VWA8: variants seen among roughly 807,000 people sequenced by gnomAD.
VWA8 encodes von Willebrand factor A domain-containing protein 8.
A neutral mutation model predicts 241.5 loss-of-function variants in VWA8; 221 were observed. The ratio of observed to expected loss-of-function variants is 0.91; its 90% CI spans 0.82 to 1.02. The LOEUF (loss-of-function observed/expected upper bound fraction) is 1.02. Among genes scored for constraint, VWA8 ranks in the 50% least tolerant of loss-of-function variants. VWA8 has a pLI of 0.00. For synonymous variants in VWA8, 852 were observed against 827.1 expected (o/e 1.03, Z -0.52); for missense variants, 2,322 against 2,328.7 (o/e 1.00, Z 0.06).
rs562138351 is a variant in VWA8 at position 41,958,912 on chromosome 13, T to A, written c.163+1941A>T. Among the ~76,000 whole-genome samples the A allele has an allele frequency of 2.6e-5, 4 of 152,364 alleles. No homozygotes were observed. The South Asian group carries it at 8.3e-4, about 32-fold the overall frequency. On this transcript the variant is annotated intron_variant, in intron 1 of 44. Transcript: ENST00000379310. ...AGGACATTTACAACTTATCTACCAATACGTATATAATACAGACTTTAAAAA... is the reference window on the plus strand; with the variant it reads ...AGGACATTTACAACTTATCTACCAAAACGTATATAATACAGACTTTAAAAA...
At chr13:41,601,080 T>A (rs942784970) in intron 40 of VWA8, among the ~76,000 whole-genome samples, 1 of 152,136 alleles carries the variant, frequency 6.6e-6, no homozygotes, top group Non-Finnish European at 1.5e-5. Context: ...TGCTGTGCCC[T>A]CTTCTGGGGC....
At chr13:41,636,888 T>C (rs1459962062) in intron 37 of VWA8, among the ~76,000 whole-genome samples, 2 of 151,894 alleles carry the variant, frequency 1.3e-5, no homozygotes, top group Non-Finnish European at 2.9e-5. Context: ...CCAGTTAGAA[T>C]GGCAATCATT....
chr13:41,945,671 G>C (rs561408552), intron 2 of VWA8, among the ~76,000 whole-genome samples: 114 of 152,118 alleles, frequency 7.5e-4, no homozygotes, highest in African/African-American at 2.6e-3. Context: ...AGCAGGCAGA[G>C]GAAAGAATCA....
intron 12 of VWA8, among the ~76,000 whole-genome samples, chr13:41,865,039 T>C (rs1049665208): frequency 1.3e-5 from 2 of 149,762 alleles, no homozygotes; most frequent in Admixed American, 1.3e-4. Flanking sequence ...ATGTTATATA[T>C]ATTTTGTCAC....
At chr13:41,926,227 T>A in intron 2 of VWA8, 1 of 691,092 alleles carries the variant, frequency 1.4e-6, no homozygotes, top group South Asian at 1.6e-5. Context: ...CACATGCATA[T>A]GTTACCTCAT....
chr13:41,637,980 C>G (rs2044770297), intron 37 of VWA8, among the ~76,000 whole-genome samples: 3 of 152,188 alleles, frequency 2.0e-5, no homozygotes. Flanking sequence ...AAACCTCACA[C>G]AAGATTCAAA....
At chr13:41,669,847 T>C (rs537519952) in intron 37 of VWA8, among the ~76,000 whole-genome samples, 1 of 152,326 alleles carries the variant, frequency 6.6e-6, no homozygotes, top group East Asian at 1.9e-4. Context: ...CAACATTCAG[T>C]CTGTTGCTGT....
chr13:41,771,886 C>T (rs1450800144), intron 20 of VWA8, among the ~76,000 whole-genome samples: 9 of 100,270 alleles, frequency 9.0e-5, no homozygotes, highest in South Asian at 3.6e-4. Flanking sequence ...CCAGCAGGGA[C>T]TTTTTTTTTT....
In VWA8 at chr13:41,897,699, T is replaced by C. The variant is rs7320520; in HGVS notation, c.484-6112A>G. 5.1e-3 allele frequency among the ~76,000 whole-genome samples: 771 copies of C among 152,222 alleles called. 3 individuals carry two copies. The highest frequency in any genetic ancestry group is 0.024 in the Middle Eastern group (7 of 294). On this transcript the variant is annotated intron_variant, in intron 4 of 44. Transcript: ENST00000379310. ...TGTTCCTCCCGGTGGGCTCGTGGTC[T>C]CGCTGGCTTCAGGAGTGAAGCTGCA...
At chr13:41,590,502 T>C (rs997143288) in intron 41 of VWA8, 138 bp downstream of exon 41, 1,800 of 911,518 alleles carry the variant, frequency 2.0e-3, no homozygotes, top group East Asian at 7.6e-3. Flanking sequence ...CTTCTTCTTT[T>C]TTTTTTTTTT....
At chr13:41,680,198 C>T (rs1213568605) in intron 35 of VWA8, among the ~76,000 whole-genome samples, 2 of 152,054 alleles carry the variant, frequency 1.3e-5, no homozygotes, top group Non-Finnish European at 2.9e-5. Flanking sequence ...TAATAAGCAT[C>T]ATGTTTTGTT....
At chr13:41,708,497 G>A (rs1438743777) in intron 26 of VWA8, among the ~76,000 whole-genome samples, 1 of 152,074 alleles carries the variant, frequency 6.6e-6, no homozygotes, top group Non-Finnish European at 1.5e-5. Flanking sequence ...TCCTTTATTT[G>A]CTAGAAACTT....
At position 41,902,361 on chromosome 13, in the gene VWA8, TAGAA is replaced by T. The variant is rs1049022923; in HGVS notation, c.483+5221_483+5224del. 7.0e-4 allele frequency among the ~76,000 whole-genome samples: 107 copies of T among 152,332 alleles called. 4 individuals are homozygous for T. The highest frequency in any genetic ancestry group is 1.9e-4 in the African/African-American group (8 of 41,592). On this transcript the variant is annotated intron_variant, in intron 4 of 44. Transcript: ENST00000379310. ...ATTATACATTATAAACATATGCACA[TAGAA>T]AGAAATACAGAAAATATTCATGCTG...
chr13:41,745,876 A>C (rs1056887806), intron 21 of VWA8, among the ~76,000 whole-genome samples: 5 of 152,200 alleles, frequency 3.3e-5, no homozygotes, highest in African/African-American at 9.7e-5. Context: ...ATAAGGACTA[A>C]ATTTTTAAAA....
chr13:41,934,184 A>T (rs1420564791), intron 2 of VWA8, among the ~76,000 whole-genome samples: 1 of 151,730 alleles, frequency 6.6e-6, no homozygotes, highest in Non-Finnish European at 1.5e-5. Flanking sequence ...ACTTTACAAA[A>T]GATATAAAGA....
chr13:41,901,742 T>A (rs1167786855), intron 4 of VWA8, among the ~76,000 whole-genome samples: 1 of 151,012 alleles, frequency 6.6e-6, no homozygotes, highest in Non-Finnish European at 1.5e-5. Context: ...GGTGCGCACC[T>A]GTAGTCCCAG....
chr13:41,770,270 G>C (rs190171878), intron 20 of VWA8, among the ~76,000 whole-genome samples: 91 of 151,956 alleles, frequency 6.0e-4, no homozygotes, highest in African/African-American at 2.1e-3. Context: ...TGAAACCCCA[G>C]ATTACTAAAA....
intron 37 of VWA8, among the ~76,000 whole-genome samples, chr13:41,669,268 C>G (rs931827889): frequency 6.6e-6 from 1 of 152,184 alleles, no homozygotes; most frequent in African/African-American, 2.4e-5. Flanking sequence ...ATCCATAATT[C>G]TGTTCATTTC....
chr13:41,714,256 C>T (rs1234915584), intron 26 of VWA8, among the ~76,000 whole-genome samples: 1 of 151,568 alleles, frequency 6.6e-6, no homozygotes, highest in Non-Finnish European at 1.5e-5. Flanking sequence ...TAAATAATAG[C>T]TAGTTTGCTA....
Sources: gnomAD v4.1 joint callset for allele counts (sites outside exome capture counted in the v4.1 genomes callset) on GRCh38, gnomAD v4.1.1 for gene constraint, MANE v1.5 for transcripts, NCBI Gene and HGNC (gene_info 2026-07-23, HGNC 2026-07-21) for gene names.